The following ZNF544 variants were observed in gnomAD, a reference collection of about 807,000 sequenced individuals.
ZNF544 encodes zinc finger protein 544, also known as zinc finger protein AF020591.
A neutral mutation model predicts 13.5 loss-of-function variants in ZNF544; 10 were observed. That is an observed-to-expected ratio of 0.74 (90% CI 0.46 to 1.25). The LOEUF (loss-of-function observed/expected upper bound fraction) is 1.25. Among genes scored for constraint, ZNF544 ranks in the 50% most tolerant of loss-of-function variants. ZNF544 has a pLI of 0.00. For synonymous variants in ZNF544, 323 were observed against 300.5 expected (o/e 1.07, Z -0.77); for missense variants, 896 against 845.6 (o/e 1.06, Z -0.74).
At chr19:58,276,635 T>G (rs1249475038) in intron 6 of ZNF544, among the ~76,000 whole-genome samples, 2 of 152,122 alleles carry the variant, frequency 1.3e-5, no homozygotes, top group African/African-American at 4.8e-5. Flanking sequence ...ACCTGGCTAA[T>G]TTTTGTATTT....
Position 58,262,100 on chromosome 19 carries a change from G to T in ZNF544, c.1494G>T (p.Gly498=). 6.2e-7 allele frequency: 1 copy of T among 1,609,022 alleles called. No homozygotes were observed. The change falls in exon 7 of 7, where the codon GGG becomes GGT. Residue 498 remains glycine, a synonymous_variant. Coordinates refer to ENST00000687789, the MANE Select transcript of ZNF544 (RefSeq NM_014480.4). ...AACCCTTCAAATGTACTCAGTGTGG[G>T]AAATCTTTCAGCCAGAAGTATGACC... ...GEKPFKCTQC[G]KSFSQKYDLV... is the part of the protein sequence containing the mutation.
chr19:58,241,920 CTT>C (rs2043972576), intron 3 of ZNF544, among the ~76,000 whole-genome samples: 1 of 124,816 alleles, frequency 8.0e-6, no homozygotes. Flanking sequence ...TTGCTGTTCA[CTT>C]CTCTCTCTCT....
chr19:58,238,715 A>T (rs1600233442), intron 3 of ZNF544, among the ~76,000 whole-genome samples: 1 of 151,286 alleles, frequency 6.6e-6, no homozygotes, highest in South Asian at 2.1e-4. Flanking sequence ...TGGTCCTCCC[A>T]CCTCCCTCAT....
At chr19:58,242,131 T>C (rs2044029000) in intron 3 of ZNF544, 2 of 626,590 alleles carry the variant, frequency 3.2e-6, no homozygotes, top group Non-Finnish European at 4.0e-6. Flanking sequence ...TCAGAAGAGA[T>C]TGCCTGGGAA....
At chr19:58,229,314 ACTGGGTGGGC>A (rs1422010726) in intron 1 of ZNF544, 144 bp from the exon 2 acceptor site, 1 of 88,766 alleles carries the variant, frequency 1.1e-5, no homozygotes, top group African/African-American at 4.5e-5. Context: ...ACTGGGTGGG[ACTGGGTGGGC>A]CCTCCCGACA....
At position 58,260,899 on chromosome 19, in the gene ZNF544, G is replaced by A. The variant is rs777799277; in HGVS notation, c.293G>A (p.Arg98Gln). ...EENRLNSEKD[R>Q]AREELSHHVE... ...AATAGGTTGAATTCTGAAAAAGATC[G>A]AGCTAGGGAAGAACTATCCCACCAC... The change falls in exon 7 of 7, where the codon CGA becomes CAA. Residue 98 changes from arginine to glutamine, a missense_variant. Coordinates refer to ENST00000687789, the MANE Select transcript of ZNF544 (RefSeq NM_014480.4). 99 of 1,611,376 alleles carry A rather than the reference G, an allele frequency of 6.1e-5. No individual in the cohort carries two copies. The highest frequency in any genetic ancestry group is 7.8e-5 in the Non-Finnish European group (92 of 1,179,344).
chr19:58,251,800 C>T (rs1253565499), intron 6 of ZNF544, among the ~76,000 whole-genome samples: 1 of 152,024 alleles, frequency 6.6e-6, no homozygotes, highest in Non-Finnish European at 1.5e-5. Context: ...TCTGATGTTT[C>T]CTGACATAGG....
At chr19:58,272,071 G>A (rs772561725) in intron 5 of ZNF544, among the ~76,000 whole-genome samples, 1 of 150,940 alleles carries the variant, frequency 6.6e-6, no homozygotes, top group Non-Finnish European at 1.5e-5. Context: ...CTGAGCAGGA[G>A]AATCGCTGGA....
intron 1 of ZNF544, 164 bp downstream of exon 1, chr19:58,229,110 G>T (rs919673393): frequency 6.6e-6 from 1 of 152,580 alleles, no homozygotes; most frequent in Admixed American, 6.5e-5. Context: ...AAGGGCAGGG[G>T]CCTGATGGGA....
At chr19:58,274,668 C>G (rs139137562) in intron 5 of ZNF544, among the ~76,000 whole-genome samples, 129 of 152,240 alleles carry the variant, frequency 8.5e-4, no homozygotes, top group Non-Finnish European at 1.5e-3. Context: ...AAAGCACCTA[C>G]TTTACGAAAA....
At chr19:58,264,883 A>T (rs2049654927), downstream of ZNF544, among the ~76,000 whole-genome samples, 1 of 151,902 alleles carries the variant, frequency 6.6e-6, no homozygotes, top group Non-Finnish European at 1.5e-5. Flanking sequence ...GCACACCTGT[A>T]GTCCCAGCTA....
Position 58,246,409 on chromosome 19 carries a change from G to A in ZNF544, c.142G>A (p.Glu48Lys). The A allele has an allele frequency of 6.2e-7, 1 of 1,614,054 alleles. No homozygotes were observed. The highest frequency in any genetic ancestry group is 8.5e-7 in the Non-Finnish European group (1 of 1,179,998). The change falls in exon 5 of 7, where the codon GAG becomes AAG. Residue 48 changes from glutamate to lysine, a missense_variant. Coordinates refer to ENST00000687789, the MANE Select transcript of ZNF544 (RefSeq NM_014480.4). ...LYREVTLETW[E>K]HIVSLGLFLS... ...CCGAGAGGTGACACTGGAGACCTGG[G>A]AGCATATTGTCTCCCTGGGTAAGTG... is the stretch of plus-strand genomic sequence containing the variant.
chr19:58,240,483 TC>T (rs996337002), intron 3 of ZNF544, among the ~76,000 whole-genome samples: 1 of 152,010 alleles, frequency 6.6e-6, no homozygotes, highest in Non-Finnish European at 1.5e-5. Flanking sequence ...GGTCTCTATC[TC>T]CTGACCTCGT....
Position 58,262,643 on chromosome 19 carries a change from C to G in ZNF544, c.2037C>G (p.His679Gln), listed in dbSNP as rs557446460. Residue 679 changes from histidine to glutamine, a missense_variant, in exon 7 of 7, where the codon CAC (histidine) becomes CAG (glutamine). Physicochemically the swap from His to Gln is conservative, Grantham distance 24. Transcript: ENST00000687789. ...GGAGCTCTAACCTTCTTTCCCATCACAGAATTCATTCTGGAGAGAAACCCT... is the reference window on the plus strand; with the variant it reads ...GGAGCTCTAACCTTCTTTCCCATCAGAGAATTCATTCTGGAGAGAAACCCT... Reference protein sequence around the residue: ...FSGSSNLLSHHRIHSGEKPYE... With the variant: ...FSGSSNLLSHQRIHSGEKPYE... 1.8e-5 allele frequency: 29 copies of G among 1,614,028 alleles called. No individual in the cohort carries two copies. In the African/African-American group the frequency reaches 3.6e-4, roughly 20 times the overall value.
At chr19:58,256,966 A>C (rs2047581007) in intron 6 of ZNF544, among the ~76,000 whole-genome samples, 1 of 149,534 alleles carries the variant, frequency 6.7e-6, no homozygotes. Context: ...CTGTTGCCCA[A>C]GCTGGAGTGC....
At chr19:58,239,379 A>C (rs2043089026) in intron 3 of ZNF544, among the ~76,000 whole-genome samples, 1 of 98,050 alleles carries the variant, frequency 1.0e-5, no homozygotes, top group South Asian at 2.9e-4. Flanking sequence ...CTGTCTTCAA[A>C]CATGGCCAAT....
chr19:58,240,383 G>A (rs112406843), intron 3 of ZNF544, among the ~76,000 whole-genome samples: 1,563 of 151,158 alleles, frequency 0.01, 35 homozygotes, highest in African/African-American at 0.035. Context: ...TCAACTTCCC[G>A]AGTAGCTGGC....
intron 6 of ZNF544, among the ~76,000 whole-genome samples, chr19:58,253,873 T>C (rs1199281562): frequency 6.6e-6 from 1 of 152,224 alleles, no homozygotes; most frequent in South Asian, 2.1e-4. Flanking sequence ...TATAAAACCA[T>C]ATATGTTGAC....
At chr19:58,229,196 C>T (rs1317005156) in intron 1 of ZNF544, 2 of 152,272 alleles carry the variant, frequency 1.3e-5, no homozygotes, top group Admixed American at 1.3e-4. Context: ...CCGGCTGGGT[C>T]TGAGCTTGTC....
Sources: gnomAD v4.1 joint callset for allele counts (sites outside exome capture counted in the v4.1 genomes callset) on GRCh38, gnomAD v4.1.1 for gene constraint, MANE v1.5 for transcripts, NCBI Gene and HGNC (gene_info 2026-07-23, HGNC 2026-07-21) for gene names.